The following PDILT variants were observed in gnomAD, a reference collection of about 807,000 sequenced individuals.
The protein encoded by PDILT is protein disulfide isomerase like, testis expressed.
In PDILT, 43 loss-of-function variants were observed where a neutral mutation model predicts 53.7. The ratio of observed to expected loss-of-function variants is 0.80; its 90% CI spans 0.63 to 1.03. The LOEUF is 1.03. Ranked by LOEUF, PDILT falls within the 50% of genes least tolerant of loss-of-function variation. The pLI, the probability that PDILT is intolerant of heterozygous loss-of-function variation, is 0.00. For missense variants in PDILT, 727 were observed against 712.3 expected, an observed-to-expected ratio of 1.02 and a Z score of -0.24; for synonymous variants, 282 against 274.2, an observed-to-expected ratio of 1.03 and a Z score of -0.28.
chr16:20,361,374 G>A (rs73543320), intron 10 of PDILT, among the ~76,000 whole-genome samples: 6,969 of 151,852 alleles, frequency 0.046, 311 homozygotes, highest in East Asian at 0.2. Context: ...CAGTAGAGAC[G>A]GGGTTTCACC....
intron 1 of PDILT, among the ~76,000 whole-genome samples, chr16:20,402,443 C>T (rs964521112): frequency 7.9e-5 from 12 of 152,256 alleles, no homozygotes; most frequent in South Asian, 4.2e-4. Context: ...GGATTATAGG[C>T]GCGTGCCATC....
chr16:20,376,637 T>A (rs188889986), intron 3 of PDILT, among the ~76,000 whole-genome samples: 16 of 152,292 alleles, frequency 1.1e-4, no homozygotes, highest in African/African-American at 3.6e-4. Flanking sequence ...TATTTTAAAA[T>A]CTCAATAAAA....
At chr16:20,390,060 C>A (rs1966589792) in intron 2 of PDILT, among the ~76,000 whole-genome samples, 1 of 152,094 alleles carries the variant, frequency 6.6e-6, no homozygotes, top group South Asian at 2.1e-4. Flanking sequence ...GGATAAGAAA[C>A]CCTACTTTAG....
intron 8 of PDILT, among the ~76,000 whole-genome samples, chr16:20,366,976 C>CTTCT (rs1555489392): frequency 3.9e-5 from 2 of 51,226 alleles, no homozygotes; most frequent in East Asian, 5.1e-4. Context: ...TCCTTCCTTC[C>CTTCT]TTCCTTCCTT....
At chr16:20,394,569 T>G (rs1966640709) in intron 2 of PDILT, among the ~76,000 whole-genome samples, 1 of 152,246 alleles carries the variant, frequency 6.6e-6, no homozygotes. Context: ...TCTCACACTT[T>G]AATGTATGTG....
At chr16:20,376,040 G>C in intron 4 of PDILT, 28 bp downstream of exon 4, 2 of 1,613,210 alleles carry the variant, frequency 1.2e-6, no homozygotes, top group South Asian at 1.1e-5. Flanking sequence ...TCAGTTGAAA[G>C]CCTCCTCCCA....
chr16:20,396,900 G>A (rs1567332141), intron 2 of PDILT, among the ~76,000 whole-genome samples: 2 of 151,872 alleles, frequency 1.3e-5, no homozygotes, highest in South Asian at 2.1e-4. Context: ...TCTGCCTGTG[G>A]AGTGCCCCCT....
intron 2 of PDILT, among the ~76,000 whole-genome samples, chr16:20,385,069 G>C (rs951906021): frequency 9.9e-5 from 15 of 152,158 alleles, no homozygotes; most frequent in African/African-American, 3.1e-4. Context: ...CAGTAGCATT[G>C]GAAACAACAC....
chr16:20,373,422 C>T (rs994009422), intron 5 of PDILT, among the ~76,000 whole-genome samples: 1 of 152,160 alleles, frequency 6.6e-6, no homozygotes. Context: ...ATTAAAATAT[C>T]TGTGCCAGGG....
intron 1 of PDILT, among the ~76,000 whole-genome samples, chr16:20,400,501 C>T (rs964704317): frequency 5.5e-5 from 8 of 146,734 alleles, no homozygotes; most frequent in African/African-American, 2.0e-4. Context: ...TAGGAGAATA[C>T]TGACACTCAA....
Position 20,374,842 on chromosome 16 carries a change from T to C in PDILT, c.661A>G (p.Ser221Gly), listed in dbSNP as rs1199123554. 1.9e-6 allele frequency: 3 copies of C among 1,613,750 alleles called. No individual in the cohort carries two copies. Among genetic ancestry groups the C allele is most frequent in the African/African-American group, 2.7e-5 (2 of 74,916 alleles). Residue 221 changes from serine to glycine, a missense_variant, in exon 5 of 12, where the codon AGC becomes GGC. Transcript: ENST00000302451. ...VIGRFHVTLD[S>G]VLVFKKGKIV... ...CCTACCTTTTTGAACACCAGGACGC[T>C]GTCAAGGGTGACGTGGAAACGCCCA...
intron 4 of PDILT, among the ~76,000 whole-genome samples, chr16:20,375,217 G>T (rs2141716631): frequency 6.6e-6 from 1 of 152,292 alleles, no homozygotes; most frequent in Non-Finnish European, 1.5e-5. Flanking sequence ...TCTCTAAAGG[G>T]TGTTCTAACC....
At chr16:20,376,824 A>C (rs957730694) in intron 3 of PDILT, among the ~76,000 whole-genome samples, 2 of 152,230 alleles carry the variant, frequency 1.3e-5, no homozygotes, top group Non-Finnish European at 2.9e-5. Context: ...TCCAAAATTA[A>C]GACACATATA....
In PDILT at chr16:20,359,468, G is replaced by T. The variant is rs1966065716; in HGVS notation, c.1606C>A (p.Pro536Thr). ...TACTTGGTCATGTTCTCCAGCTCAG[G>T]CGACTGCTGTTCAGGTAACCCTTTC... ...MRKGLPEQQS[P>T]ELENMTKYVS... The change falls in exon 12 of 12, where the codon CCT becomes ACT. Residue 536 changes from proline (P) to threonine (T), a missense_variant. Physicochemically the swap from Pro to Thr is conservative, Grantham distance 38. Coordinates refer to ENST00000302451, the MANE Select transcript of PDILT (RefSeq NM_174924.2). 1 of 1,613,994 alleles carries T rather than the reference G, an allele frequency of 6.2e-7. No homozygotes were observed. Among genetic ancestry groups the T allele is most frequent in the Non-Finnish European group, 8.5e-7 (1 of 1,180,038 alleles).
chr16:20,387,645 G>A (rs1056269712), intron 2 of PDILT, among the ~76,000 whole-genome samples: 5 of 150,744 alleles, frequency 3.3e-5, no homozygotes, highest in African/African-American at 7.3e-5. Context: ...TTTTTTAGAC[G>A]GATCTTGTTC....
chr16:20,403,603 G>A lies in PDILT; in HGVS notation c.-8+893C>T, dbSNP rs560889058. Among the ~76,000 whole-genome samples the A allele has an allele frequency of 4.6e-5, 7 of 152,016 alleles. No homozygotes were observed. The East Asian group carries it at 5.8e-4, about 13-fold the overall frequency. ...CCGTGCCCAGCAGAGATTTCCTTTC[G>A]ACACAGGAATTCCATCACACCACTG... On this transcript the variant is annotated intron_variant, in intron 1 of 11. Transcript: ENST00000302451.
At chr16:20,400,157 G>A (rs1966718630) in intron 1 of PDILT, among the ~76,000 whole-genome samples, 1 of 151,696 alleles carries the variant, frequency 6.6e-6, no homozygotes, top group Non-Finnish European at 1.5e-5. Flanking sequence ...TGCATCCTGG[G>A]TTCCAGAGGC....
At chr16:20,386,432 GC>G (rs1567328605) in intron 2 of PDILT, among the ~76,000 whole-genome samples, 1 of 152,188 alleles carries the variant, frequency 6.6e-6, no homozygotes, top group Non-Finnish European at 1.5e-5. Context: ...TCCATCTGGA[GC>G]ACTTGGAGAA....
At chr16:20,359,843 C>T (rs1427561435) in intron 11 of PDILT, among the ~76,000 whole-genome samples, 1 of 152,146 alleles carries the variant, frequency 6.6e-6, no homozygotes, top group African/African-American at 2.4e-5. Context: ...GGCTCCTGCA[C>T]CACTAGCTCC....
Sources: gnomAD v4.1 joint callset for allele counts (sites outside exome capture counted in the v4.1 genomes callset) on GRCh38, gnomAD v4.1.1 for gene constraint, MANE v1.5 for transcripts, NCBI Gene and HGNC (gene_info 2026-07-23, HGNC 2026-07-21) for gene names.